The following BCKDHB variants were observed in gnomAD, a reference collection of about 807,000 sequenced individuals.
The protein encoded by BCKDHB is 2-oxoisovalerate dehydrogenase subunit beta, mitochondrial.
Under a neutral mutation model 48.5 loss-of-function variants are expected in BCKDHB, and 41 were observed. That is an observed-to-expected ratio of 0.85 (90% CI 0.66 to 1.10). The LOEUF is 1.10. Ranked by LOEUF, BCKDHB falls within the 50% of genes least tolerant of loss-of-function variation. The probability of loss-of-function intolerance (pLI) is 0.00; values close to 1 mark genes in which losing one functional copy is unlikely to be tolerated. For synonymous variants in BCKDHB, 201 were observed against 174.8 expected (o/e 1.15, Z -1.18); for missense variants, 496 against 494.2 (o/e 1.00, Z -0.03).
intron 8 of BCKDHB, among the ~76,000 whole-genome samples, chr6:80,246,326 C>G (rs942923528): frequency 5.9e-5 from 9 of 152,156 alleles, no homozygotes; most frequent in Non-Finnish European, 1.3e-4. Context: ...CTCGCCTCCC[C>G]TATGTATCTT....
chr6:80,200,754 A>G (rs886736064), intron 6 of BCKDHB, among the ~76,000 whole-genome samples, 180 bp from the exon 7 acceptor site: 2 of 152,114 alleles, frequency 1.3e-5, no homozygotes, highest in African/African-American at 4.8e-5. Flanking sequence ...GCATTTATTC[A>G]TCTGTGCAGT....
chr6:80,301,539 A>T (rs1767580878), intron 9 of BCKDHB, among the ~76,000 whole-genome samples: 1 of 152,056 alleles, frequency 6.6e-6, no homozygotes, highest in Non-Finnish European at 1.5e-5. Flanking sequence ...ATTAAGCGCC[A>T]TGAACCAGAT....
chr6:80,379,866 C>T, the BCKDHB span, among the ~76,000 whole-genome samples: 4 of 151,718 alleles, frequency 2.6e-5, no homozygotes, highest in African/African-American at 4.8e-5. Context: ...AAAAGTTAAA[C>T]GCTTAGGAAT....
intron 1 of BCKDHB, among the ~76,000 whole-genome samples, chr6:80,121,970 A>G (rs933896847): frequency 2.6e-5 from 4 of 152,294 alleles, no homozygotes; most frequent in Admixed American, 2.0e-4. Flanking sequence ...CCAATTTAGT[A>G]TGATATCGGC....
chr6:80,143,343 T>C (rs536446185), intron 3 of BCKDHB, among the ~76,000 whole-genome samples: 119 of 152,294 alleles, frequency 7.8e-4, no homozygotes, highest in African/African-American at 2.7e-3. Context: ...GTGCCTCTAA[T>C]TCTGTCTTGG....
At chr6:80,437,220 G>GA in the BCKDHB span, among the ~76,000 whole-genome samples, 24 of 150,992 alleles carry the variant, frequency 1.6e-4, no homozygotes, top group South Asian at 6.3e-4. Flanking sequence ...GTTCAGTAAA[G>GA]AAAAAAAAAT....
chr6:80,190,105 T>G (rs1209938473), intron 6 of BCKDHB, among the ~76,000 whole-genome samples: 1 of 152,130 alleles, frequency 6.6e-6, no homozygotes, highest in Non-Finnish European at 1.5e-5. Context: ...GGATGATAAG[T>G]ATGTATAGAT....
At chr6:80,266,249 G>GA (rs1302067936) in intron 8 of BCKDHB, among the ~76,000 whole-genome samples, 1 of 152,058 alleles carries the variant, frequency 6.6e-6, no homozygotes, top group East Asian at 1.9e-4. Context: ...ATAAGTTTAT[G>GA]AAAATGTTTT....
At chr6:80,336,481 C>A (rs1769594634) in intron 9 of BCKDHB, among the ~76,000 whole-genome samples, 1 of 72,498 alleles carries the variant, frequency 1.4e-5, no homozygotes, top group Admixed American at 1.9e-4. Flanking sequence ...GGAAAGAAAT[C>A]TTAGCAAAAA....
intron 9 of BCKDHB, chr6:80,307,863 A>C: frequency 1.0e-6 from 1 of 977,178 alleles, no homozygotes. Context: ...TAACACTGCA[A>C]ATGCAACTTC....
rs3805898 is a variant in BCKDHB at position 80,272,688 on chromosome 6, T to C, written c.952-447T>C. On this transcript the variant is annotated intron_variant, in intron 8 of 9. Transcript: ENST00000320393. ...TTTTTCCTTTGCTATAGCTTTCACA[T>C]ACTGTTTTTGTGTTTTCCTTTTCCA... 2.7e-3 allele frequency among the ~76,000 whole-genome samples: 415 copies of C among 152,332 alleles called. 8 individuals are homozygous for C. In the East Asian group the frequency reaches 0.07, roughly 26 times the overall value.
intron 9 of BCKDHB, among the ~76,000 whole-genome samples, chr6:80,282,010 T>A (rs1766348278): frequency 6.6e-6 from 1 of 152,166 alleles, no homozygotes; most frequent in African/African-American, 2.4e-5. Flanking sequence ...AAATGGAAAT[T>A]TTTGTATGGC....
intron 8 of BCKDHB, among the ~76,000 whole-genome samples, chr6:80,216,385 A>T (rs577198151): frequency 3.3e-4 from 51 of 152,306 alleles, no homozygotes; most frequent in Non-Finnish European, 5.1e-4. Context: ...TATGTGTTTT[A>T]CAGGTGGGCA....
chr6:80,161,743 C>T (rs1207329603), intron 3 of BCKDHB, among the ~76,000 whole-genome samples: 1 of 152,198 alleles, frequency 6.6e-6, no homozygotes, highest in East Asian at 1.9e-4. Context: ...ATCAGCTTTT[C>T]ATTCTTACAG....
chr6:80,434,799 T>C, the BCKDHB span, among the ~76,000 whole-genome samples: 1 of 152,210 alleles, frequency 6.6e-6, no homozygotes, highest in Non-Finnish European at 1.5e-5. Context: ...AATATGTTCA[T>C]GCCCAGCTCT....
At chr6:80,353,722 A>T in the BCKDHB span, among the ~76,000 whole-genome samples, 4 of 152,196 alleles carry the variant, frequency 2.6e-5, no homozygotes, top group East Asian at 7.8e-4. Flanking sequence ...GTGTGGTGAC[A>T]CGTGCCTGTA....
At chr6:80,142,389 A>G (rs1348391978) in intron 3 of BCKDHB, among the ~76,000 whole-genome samples, 4 of 152,084 alleles carry the variant, frequency 2.6e-5, no homozygotes, top group Non-Finnish European at 5.9e-5. Context: ...GTAATGTGTG[A>G]CTTGCTGCCA....
the BCKDHB span, among the ~76,000 whole-genome samples, chr6:80,438,919 G>A: frequency 6.6e-6 from 1 of 152,126 alleles, no homozygotes; most frequent in Non-Finnish European, 1.5e-5. Context: ...GGACAGATCA[G>A]CTATATGCAG....
At chr6:80,202,656 A>C (rs536889272) in intron 7 of BCKDHB, among the ~76,000 whole-genome samples, 1 of 151,652 alleles carries the variant, frequency 6.6e-6, no homozygotes, top group South Asian at 2.1e-4. Context: ...TTTTCTTTCT[A>C]GCTCTTTAAC....
Sources: allele counts gnomAD v4.1 joint callset (sites outside exome capture counted in the v4.1 genomes callset), GRCh38; gene constraint gnomAD v4.1.1; transcripts MANE v1.5; gene names NCBI Gene and HGNC (gene_info 2026-07-23, HGNC 2026-07-21).